PTPRS: variants seen among roughly 807,000 people sequenced by gnomAD.
PTPRS encodes protein tyrosine phosphatase receptor type S.
A neutral mutation model predicts 215.3 loss-of-function variants in PTPRS; 63 were observed. That is an observed-to-expected ratio of 0.29 (90% confidence interval 0.24 to 0.36). The LOEUF (loss-of-function observed/expected upper bound fraction) is 0.36, where lower values mean the gene tolerates loss of function less well. Ranked by LOEUF, PTPRS falls within the 10% of genes least tolerant of loss-of-function variation. PTPRS has a pLI of 1.00. For synonymous variants in PTPRS, 1,404 were observed against 1,191.4 expected (o/e 1.18, Z -3.68); for missense variants, 2,258 against 2,825.8 (o/e 0.80, Z 4.56).
intron 1 of PTPRS, among the ~76,000 whole-genome samples, chr19:5,308,142 C>T (rs1212721684): frequency 1.3e-5 from 2 of 152,310 alleles, no homozygotes; most frequent in East Asian, 3.9e-4. Context: ...GCCAGAACAA[C>T]ATATTAAAAA....
At chr19:5,337,234 C>A (rs540869994) in intron 1 of PTPRS, among the ~76,000 whole-genome samples, 1 of 152,336 alleles carries the variant, frequency 6.6e-6, no homozygotes, top group South Asian at 2.1e-4. Context: ...ATAAATATCC[C>A]TTTTTATTTT....
intron 13 of PTPRS, among the ~76,000 whole-genome samples, chr19:5,235,828 T>C (rs75091083): frequency 0.017 from 2,634 of 152,282 alleles, 64 homozygotes; most frequent in African/African-American, 0.059. Context: ...AGTTCCCGCA[T>C]ATTAAAGGGA....
chr19:5,317,288 A>G (rs753738308), intron 1 of PTPRS, among the ~76,000 whole-genome samples: 1 of 152,162 alleles, frequency 6.6e-6, no homozygotes, highest in Non-Finnish European at 1.5e-5. Context: ...CCCGGCCAAC[A>G]TGGGGAAACC....
intron 1 of PTPRS, among the ~76,000 whole-genome samples, chr19:5,318,337 C>CA (rs146792031): frequency 0.14 from 16,352 of 117,226 alleles, 954 homozygotes; most frequent in African/African-American, 0.16. Context: ...GAGACTGTCT[C>CA]AAAAAAAAAA....
At chr19:5,247,028 A>C (rs948838671) in intron 9 of PTPRS, among the ~76,000 whole-genome samples, 6 of 151,606 alleles carry the variant, frequency 4.0e-5, no homozygotes, top group African/African-American at 1.5e-4. Flanking sequence ...ATGAATGGGG[A>C]GAAAGAGAGA....
At chr19:5,211,220 C>G (rs117767795) in intron 33 of PTPRS, among the ~76,000 whole-genome samples, 487 of 152,312 alleles carry the variant, frequency 3.2e-3, no homozygotes, top group Non-Finnish European at 4.8e-3. Flanking sequence ...ACATTTGGCG[C>G]TGGATTGTTC....
chr19:5,328,363 G>A (rs2050226321), intron 1 of PTPRS, among the ~76,000 whole-genome samples: 1 of 151,990 alleles, frequency 6.6e-6, no homozygotes, highest in South Asian at 2.1e-4. Flanking sequence ...ACCAGTCTCG[G>A]CCTCCCAAAG....
At chr19:5,267,207 T>C (rs981881946) in intron 4 of PTPRS, among the ~76,000 whole-genome samples, 1 of 129,156 alleles carries the variant, frequency 7.7e-6, no homozygotes, top group Non-Finnish European at 1.7e-5. Context: ...CCGGTGGTGA[T>C]GTGGGGGCGG....
intron 23 of PTPRS, 44 bp from the exon 24 acceptor site, chr19:5,218,842 AG>A (rs762603636): frequency 5.7e-6 from 9 of 1,565,734 alleles, no homozygotes; most frequent in Non-Finnish European, 7.8e-6. Flanking sequence ...GAAAAAAAGA[AG>A]AAAGGTGAGG....
At position 5,277,654 on chromosome 19, in the gene PTPRS, T is replaced by A. The variant is rs548032539; in HGVS notation, c.92-3310A>T. The A allele has an allele frequency of 5.5e-4, 226 of 407,830 alleles. 3 individuals are homozygous for A. The African/African-American group carries it at 5.8e-3, about 10-fold the overall frequency. The allele number at this position is 407,830 out of a possible 1,614,324, so 25.3% of individuals were successfully genotyped here. A position where few individuals can be genotyped will look rare whatever the true frequency, so the allele number is the denominator to read the frequency against. On this transcript the variant is annotated intron_variant, in intron 2 of 37. Coordinates refer to ENST00000262963, the MANE Select transcript of PTPRS (RefSeq NM_002850.4). ...CTGGGCGACAGAGTGAGACTCCATC[T>A]CAAAAAAAAAAAAAAGGAGGAAAAG...
At chr19:5,333,474 C>A (rs570772879) in intron 1 of PTPRS, among the ~76,000 whole-genome samples, 1 of 151,302 alleles carries the variant, frequency 6.6e-6, no homozygotes, top group African/African-American at 2.4e-5. Flanking sequence ...CATCACTGCA[C>A]TCCAGCCTGA....
chr19:5,257,554 G>T lies in PTPRS; in HGVS notation c.706+463C>A. 1 of 437,112 alleles carries T rather than the reference G, an allele frequency of 2.3e-6. No homozygotes were observed. 27.1% of individuals were successfully genotyped at this position (437,112 alleles called of 1,614,324 possible). On this transcript the variant is annotated intron_variant, in intron 8 of 37. Coordinates refer to ENST00000262963, the MANE Select transcript of PTPRS (RefSeq NM_002850.4). This position sits in a 1 kb window ranked among gnomAD's most constrained non-coding sequence, Gnocchi z 4.4. ...TGAGGGCCCTGGATTAGGGGGGGCA[G>T]TGAAGCGGGGAGCTACGAGGCCACA...
rs528805883 is a variant in PTPRS at position 5,286,029 on chromosome 19, C to A, written c.91+21G>T. On this transcript the variant is annotated intron_variant, in intron 2 of 37. Coordinates refer to ENST00000262963, the MANE Select transcript of PTPRS (RefSeq NM_002850.4). Reference sequence around the variant, plus strand: ...GTAAACAAACACGCAGACCCCTGCACATCCCGTGCCGGCTTCTTACCTTCT... The same window carrying A: ...GTAAACAAACACGCAGACCCCTGCAAATCCCGTGCCGGCTTCTTACCTTCT... 676 of 1,607,246 alleles carry A rather than the reference C, an allele frequency of 4.2e-4. 7 individuals carry two copies. The South Asian group carries it at 7.0e-3, about 17-fold the overall frequency.
intron 15 of PTPRS, 29 bp from the exon 16 acceptor site, chr19:5,229,371 A>AGAGGAGGAAGGTGAGCG (rs1201520879): frequency 7.3e-7 from 1 of 1,370,220 alleles, no homozygotes; most frequent in Non-Finnish European, 9.5e-7. Flanking sequence ...GGCAGGGGAG[A>AGAGGAGGAAGGTGAGCG]GAGGAGGAAG....
At position 5,223,049 on chromosome 19, in the gene PTPRS, C is replaced by A; in HGVS notation, c.2743G>T (p.Glu915Ter). 6.5e-7 allele frequency: 1 copy of A among 1,548,804 alleles called. No individual in the cohort carries two copies. ...ATGCTCAGGACCTCGGCTGCCTCCT[C>A]GCCCAGGCCGCCGCGGCTCCGGGCC... Reference protein sequence around the residue: ...LAARSRGGLGEEAAEVLSIPE... With the variant: ...LAARSRGGLG Residue 915 changes from glutamate (E) to a stop codon, truncating the protein, a stop_gained, in exon 18 of 38, where the codon GAG becomes TAG. Coordinates refer to ENST00000262963, the MANE Select transcript of PTPRS (RefSeq NM_002850.4). LOFTEE classifies it high-confidence loss of function.
chr19:5,264,086 T>TC (rs1219981103), intron 5 of PTPRS, among the ~76,000 whole-genome samples: 1 of 152,116 alleles, frequency 6.6e-6, no homozygotes, highest in Non-Finnish European at 1.5e-5. Flanking sequence ...TCCCAAGGTC[T>TC]CCCTAGCCCA....
At chr19:5,319,228 A>G (rs990402797) in intron 1 of PTPRS, among the ~76,000 whole-genome samples, 6 of 152,120 alleles carry the variant, frequency 3.9e-5, no homozygotes. Flanking sequence ...CCTGACCAAC[A>G]TGGCAAAACC....
intron 1 of PTPRS, among the ~76,000 whole-genome samples, chr19:5,309,891 C>G (rs1455852210): frequency 1.3e-5 from 2 of 152,288 alleles, no homozygotes; most frequent in African/African-American, 4.8e-5. Context: ...TCTGTCCTTT[C>G]TGCAACAGCC....
At position 5,315,350 on chromosome 19, in the gene PTPRS, GGTTTTTTT is replaced by G. The variant is rs1250738274; in HGVS notation, c.-95+25306_-95+25313del. 2.6e-3 allele frequency among the ~76,000 whole-genome samples: 264 copies of G among 101,300 alleles called. 22 individuals carry two copies. The highest frequency in any genetic ancestry group is 0.017 in the East Asian group (67 of 3,980). 66.5% of individuals were successfully genotyped at this position (101,300 alleles called of 152,430 possible). A position where few individuals can be genotyped will look rare whatever the true frequency, so the allele number is the denominator to read the frequency against. ...TCATGGAGAATTTTTATTTGAAAAG[GGTTTTTTT>G]TTTTTTTTTTTTTTTTTTTTTTTGA... On this transcript the variant is annotated intron_variant, in intron 1 of 37. Coordinates refer to ENST00000262963, the MANE Select transcript of PTPRS (RefSeq NM_002850.4).
Sources: gnomAD v4.1 joint callset for allele counts (sites outside exome capture counted in the v4.1 genomes callset) on GRCh38, gnomAD v4.1.1 for gene constraint, Gnocchi (gnomAD v3.1) non-coding constraint, MANE v1.5 for transcripts, NCBI Gene and HGNC (gene_info 2026-07-23, HGNC 2026-07-21) for gene names.